Variants in FAM149A observed in about 807,000 individuals in gnomAD.
The protein encoded by FAM149A is protein FAM149A.
Under a neutral mutation model 78.2 loss-of-function variants are expected in FAM149A, and 71 were observed. That is an observed-to-expected ratio of 0.91 (90% CI 0.75 to 1.11). The LOEUF (loss-of-function observed/expected upper bound fraction) is 1.11. Among genes scored for constraint, FAM149A ranks in the 50% least tolerant of loss-of-function variants. FAM149A has a pLI of 0.00. For synonymous variants in FAM149A, 446 were observed against 410.5 expected, an observed-to-expected ratio of 1.09 and a Z score of -1.04; for missense variants, 1,036 against 971.0, an observed-to-expected ratio of 1.07 and a Z score of -0.89.
chr4:186,105,688 C>A (rs913708381), intron 1 of FAM149A, 46 bp downstream of exon 1: 21 of 1,023,870 alleles, frequency 2.1e-5, no homozygotes, highest in Non-Finnish European at 2.5e-5. Context: ...TGCCGGGACC[C>A]CCGACCCCTC....
At chr4:186,127,276 C>A (rs2099318720) in intron 1 of FAM149A, 2 of 979,476 alleles carry the variant, frequency 2.0e-6, no homozygotes. Context: ...TCGGTTTCTT[C>A]CGGAGAGTTA....
At chr4:186,153,908 C>G in intron 5 of FAM149A, 138 bp downstream of exon 5, 1 of 839,022 alleles carries the variant, frequency 1.2e-6, no homozygotes, top group East Asian at 2.6e-5. Flanking sequence ...GTACAGAGAA[C>G]AATTTTTATA....
At chr4:186,140,853 G>A (rs967258085) in intron 1 of FAM149A, among the ~76,000 whole-genome samples, 3 of 152,218 alleles carry the variant, frequency 2.0e-5, no homozygotes, top group Admixed American at 1.3e-4. Flanking sequence ...GGAGATACAT[G>A]TCTACATCTA....
chr4:186,145,006 T>C, intron 1 of FAM149A: 7 of 980,070 alleles, frequency 7.1e-6, no homozygotes, highest in Non-Finnish European at 8.5e-6. Flanking sequence ...CGTGACCGGC[T>C]GTCTGCGTGG....
chr4:186,136,807 C>T (rs1430507833), intron 1 of FAM149A, among the ~76,000 whole-genome samples: 1 of 152,148 alleles, frequency 6.6e-6, no homozygotes, highest in African/African-American at 2.4e-5. Context: ...AGCCAGGCTG[C>T]CCACAGCCTA....
At chr4:186,152,196 C>G in intron 4 of FAM149A, 151 bp downstream of exon 4, 1 of 719,838 alleles carries the variant, frequency 1.4e-6, no homozygotes, top group South Asian at 1.9e-5. Context: ...AGATCACTTT[C>G]CTCTTACGGC....
chr4:186,132,512 T>G (rs956297206), intron 1 of FAM149A, among the ~76,000 whole-genome samples: 1 of 152,150 alleles, frequency 6.6e-6, no homozygotes, highest in African/African-American at 2.4e-5. Context: ...ATTTAGAAAT[T>G]TTGCCAAGGT....
At chr4:186,155,967 C>T (rs767753016) in intron 6 of FAM149A, 33 bp from the exon 7 acceptor site, 12 of 1,578,382 alleles carry the variant, frequency 7.6e-6, no homozygotes, top group Non-Finnish European at 1.7e-6. Flanking sequence ...AAGCATTGAT[C>T]TTTTAGTAAT....
In FAM149A at chr4:186,110,412, ACTTT is replaced by A. The variant is rs2099310736; in HGVS notation, c.566+4771_566+4774del. The A allele has an allele frequency of 1.1e-5, 8 of 761,700 alleles. No homozygotes were observed. The Admixed American group carries it at 5.2e-4, about 49-fold the overall frequency. The allele number at this position is 761,700 out of a possible 1,614,324, so 47.2% of individuals were successfully genotyped here. ...TACTTTCTTTTTTTTTTTTTATTAT[ACTTT>A]AAGTTTTAGGGTACATGTGCACATT... On this transcript the variant is annotated intron_variant, in intron 1 of 13. Transcript: ENST00000389354.
At chr4:186,139,606 T>C (rs2099324969) in intron 1 of FAM149A, among the ~76,000 whole-genome samples, 1 of 152,194 alleles carries the variant, frequency 6.6e-6, no homozygotes, top group South Asian at 2.1e-4. Flanking sequence ...CTGTGGGAGA[T>C]AGGTAATGGC....
At chr4:186,165,299 T>C in intron 10 of FAM149A, 45 bp from the exon 11 acceptor site, 1 of 1,610,782 alleles carries the variant, frequency 6.2e-7, no homozygotes, top group Non-Finnish European at 8.5e-7. Context: ...CACTTGCCAG[T>C]TATCCATGTA....
In FAM149A at chr4:186,159,278, A is replaced by G. The variant is rs566827678; in HGVS notation, c.1575+1559A>G. Among the ~76,000 whole-genome samples, 5 of 152,188 alleles carry G rather than the reference A, an allele frequency of 3.3e-5. No homozygotes were observed. The South Asian group carries it at 8.3e-4, about 25-fold the overall frequency. On this transcript the variant is annotated intron_variant, in intron 8 of 13. Coordinates refer to ENST00000389354, the MANE Select transcript of FAM149A (RefSeq NM_001367768.3). The stretch of plus-strand genomic sequence containing the variant: ...AAAACAAAAACAAAAAAAACCTTGT[A>G]GAAGAATCAAAGAGAGAGTGATTTG...
rs2099317890 is a variant in FAM149A at position 186,125,420 on chromosome 4, A to G, written c.566+19778A>G. On this transcript the variant is annotated intron_variant, in intron 1 of 13. Transcript: ENST00000389354. The stretch of plus-strand genomic sequence containing the variant: ...GAAGCAGCCCTAGGCAGCCCCACAA[A>G]CACAGTAATGACGCTGCCTCTCGGG... The G allele has an allele frequency of 9.8e-6, 8 of 812,432 alleles. No individual in the cohort carries two copies. In the South Asian group the frequency reaches 2.2e-4, roughly 23 times the overall value. The allele number at this position is 812,432 out of a possible 1,614,324, so 50.3% of individuals were successfully genotyped here.
intron 1 of FAM149A, among the ~76,000 whole-genome samples, chr4:186,108,723 G>T (rs2099309831): frequency 6.6e-6 from 1 of 151,966 alleles, no homozygotes; most frequent in Admixed American, 6.6e-5. Flanking sequence ...TGGCTTCCCT[G>T]TCCATTTCAT....
chr4:186,149,604 C>A lies in FAM149A; in HGVS notation c.689C>A (p.Thr230Lys). Residue 230 changes from threonine (T) to lysine (K), a missense_variant, in exon 3 of 14, where the codon ACA becomes AAA. Physicochemically the swap from Thr to Lys is moderately conservative, Grantham distance 78. Transcript: ENST00000389354. The stretch of plus-strand genomic sequence containing the variant: ...TCCTTTTCCTCCAGCGGAAGCCATA[C>A]ACCCACGGGAGCCCACACCTCTTGG... The A allele has an allele frequency of 7.8e-7, 1 of 1,289,982 alleles. No homozygotes were observed. Among genetic ancestry groups the A allele is most frequent in the Non-Finnish European group, 1.0e-6 (1 of 988,910 alleles). 79.9% of individuals were successfully genotyped at this position (1,289,982 alleles called of 1,614,324 possible). A position where few individuals can be genotyped will look rare whatever the true frequency, so the allele number is the denominator to read the frequency against.
chr4:186,133,472 G>A (rs2099321623), intron 1 of FAM149A, among the ~76,000 whole-genome samples: 1 of 152,128 alleles, frequency 6.6e-6, no homozygotes, highest in Admixed American at 6.5e-5. Context: ...GGGCTTTTGT[G>A]TCTGGCTTAT....
At chr4:186,137,008 CTCTCTCTCTCTA>C (rs2099323585) in intron 1 of FAM149A, among the ~76,000 whole-genome samples, 1 of 130,822 alleles carries the variant, frequency 7.6e-6, no homozygotes, top group African/African-American at 3.0e-5. Flanking sequence ...CTCTCTCTCT[CTCTCTCTCTCTA>C]AGTGCTTAAA....
intron 1 of FAM149A, chr4:186,146,972 G>T: frequency 1.0e-6 from 1 of 985,428 alleles, no homozygotes; most frequent in Non-Finnish European, 1.2e-6. Context: ...GATGAATAAG[G>T]TGTCAAGGTC....
chr4:186,126,034 T>G (rs1327095232), intron 1 of FAM149A: 4 of 985,290 alleles, frequency 4.1e-6, no homozygotes, highest in Non-Finnish European at 4.8e-6. Context: ...CTCCCTTATA[T>G]TCCTGTTTGG....
Sources: allele counts gnomAD v4.1 joint callset (sites outside exome capture counted in the v4.1 genomes callset), GRCh38; gene constraint gnomAD v4.1.1; transcripts MANE v1.5; gene names NCBI Gene and HGNC (gene_info 2026-07-23, HGNC 2026-07-21).